Variants in FANK1 observed in about 807,000 individuals in gnomAD.
FANK1 encodes fibronectin type 3 and ankyrin repeat domains protein 1.
In FANK1, 44 loss-of-function variants were observed where a neutral mutation model predicts 45.3. That is an observed-to-expected ratio of 0.97 (90% CI 0.76 to 1.25). The LOEUF is 1.25. FANK1 is among the 50% of genes most tolerant of loss of function. The pLI, the probability that FANK1 is intolerant of heterozygous loss-of-function variation, is 0.00. For missense variants in FANK1, 391 were observed against 424.4 expected (o/e 0.92, Z 0.69); for synonymous variants, 149 against 152.5 (o/e 0.98, Z 0.17).
intron 1 of FANK1, among the ~76,000 whole-genome samples, chr10:125,911,517 G>A (rs969894657): frequency 2.6e-5 from 4 of 152,218 alleles, no homozygotes; most frequent in African/African-American, 7.2e-5. Context: ...AAGAAACAAT[G>A]TGTATCTGAC....
intron 3 of FANK1, among the ~76,000 whole-genome samples, chr10:125,991,336 G>T (rs1484071825): frequency 1.3e-5 from 2 of 151,404 alleles, no homozygotes; most frequent in Admixed American, 6.6e-5. Flanking sequence ...ACTGCCTGCA[G>T]CCAGGAAGCC....
chr10:125,902,319 CA>C (rs1945109250), intron 1 of FANK1, among the ~76,000 whole-genome samples: 1 of 152,196 alleles, frequency 6.6e-6, no homozygotes, highest in South Asian at 2.1e-4. Flanking sequence ...TGGAAGAGGT[CA>C]GGGGACCTGT....
chr10:125,964,383 G>C (rs563480842), intron 1 of FANK1, among the ~76,000 whole-genome samples: 1 of 151,542 alleles, frequency 6.6e-6, no homozygotes, highest in Admixed American at 6.6e-5. Context: ...AGTGCAGATG[G>C]GGTTTCACTA....
At chr10:125,907,928 C>G (rs1274548287) in intron 1 of FANK1, among the ~76,000 whole-genome samples, 1 of 152,118 alleles carries the variant, frequency 6.6e-6, no homozygotes, top group Non-Finnish European at 1.5e-5. Flanking sequence ...ATGCAGTGAA[C>G]CCAGTTGAGC....
At chr10:125,995,582 C>A in intron 4 of FANK1, 84 bp downstream of exon 4, 1 of 1,333,592 alleles carries the variant, frequency 7.5e-7, no homozygotes, top group East Asian at 2.3e-5. Flanking sequence ...TTTTGTTTTC[C>A]TAAAAATTCC....
intron 1 of FANK1, among the ~76,000 whole-genome samples, chr10:125,934,687 A>T (rs1478502373): frequency 7.3e-6 from 1 of 137,526 alleles, no homozygotes; most frequent in Non-Finnish European, 1.5e-5. Flanking sequence ...ACAGCCTAGC[A>T]TGCAGCAACT....
intron 1 of FANK1, among the ~76,000 whole-genome samples, chr10:125,923,491 T>C (rs1203278030): frequency 1.3e-5 from 2 of 151,708 alleles, no homozygotes; most frequent in Non-Finnish European, 2.9e-5. Flanking sequence ...ATCTATGCTT[T>C]AAAGTCTGTT....
intron 3 of FANK1, among the ~76,000 whole-genome samples, chr10:125,993,968 G>A (rs1455707810): frequency 6.6e-6 from 1 of 152,178 alleles, no homozygotes. Flanking sequence ...TTTGTACATT[G>A]CCCAATTCAC....
intron 1 of FANK1, among the ~76,000 whole-genome samples, chr10:125,939,107 A>T (rs548633673): frequency 6.6e-6 from 1 of 152,312 alleles, no homozygotes; most frequent in Non-Finnish European, 1.5e-5. Flanking sequence ...TTATGCACAT[A>T]CAATCAGACA....
At chr10:125,920,885 A>G (rs1268689561) in intron 1 of FANK1, among the ~76,000 whole-genome samples, 1 of 151,884 alleles carries the variant, frequency 6.6e-6, no homozygotes, top group Non-Finnish European at 1.5e-5. Context: ...ACTACTAACT[A>G]GTGTTCTTTT....
At chr10:125,953,496 A>G (rs1384311773) in intron 1 of FANK1, among the ~76,000 whole-genome samples, 1 of 152,096 alleles carries the variant, frequency 6.6e-6, no homozygotes, top group African/African-American at 2.4e-5. Context: ...CTTAGGCACG[A>G]GGATCCTATA....
intron 1 of FANK1, among the ~76,000 whole-genome samples, chr10:125,907,151 A>G (rs12250641): frequency 0.022 from 3,346 of 152,340 alleles, 139 homozygotes; most frequent in African/African-American, 0.076. Context: ...TATACAAAAC[A>G]TAAAACTTAC....
rs1009261464 is a variant in FANK1 at position 125,954,354 on chromosome 10, A to T, written c.14-25807A>T. 3.3e-5 allele frequency among the ~76,000 whole-genome samples: 5 copies of T among 152,216 alleles called. No homozygotes were observed. In the South Asian group the frequency reaches 8.3e-4, roughly 25 times the overall value. On this transcript the variant is annotated intron_variant, in intron 1 of 10. Transcript: ENST00000368693. ...AAGAGCAAGGATGCTGAACAAGCTA[A>T]ACCTTTGAAGAGGAACTTCTTTTGT... is the stretch of plus-strand genomic sequence containing the variant.
intron 1 of FANK1, among the ~76,000 whole-genome samples, chr10:125,966,470 G>T (rs1200455826): frequency 6.6e-6 from 1 of 152,048 alleles, no homozygotes; most frequent in Non-Finnish European, 1.5e-5. Context: ...TATTTGTTTG[G>T]TGTCCAATGT....
chr10:125,973,330 G>A, intron 1 of FANK1: 1 of 551,692 alleles, frequency 1.8e-6, no homozygotes, highest in Non-Finnish European at 2.3e-6. Context: ...GTTATTTTGG[G>A]GGTAATCCAT....
chr10:125,997,395 C>T (rs1240052150), intron 5 of FANK1, 25 bp from the exon 6 acceptor site: 1 of 1,607,660 alleles, frequency 6.2e-7, no homozygotes, highest in Non-Finnish European at 8.5e-7. Flanking sequence ...ACTTATCTAG[C>T]TACACTTAAG....
intron 1 of FANK1, chr10:125,973,013 T>G (rs968844218): frequency 6.6e-6 from 1 of 151,872 alleles, no homozygotes; most frequent in Admixed American, 6.6e-5. Flanking sequence ...GAAGTGAGGG[T>G]TTTTGCTCCA....
At chr10:125,998,830 A>C (rs76099677) in intron 6 of FANK1, among the ~76,000 whole-genome samples, 1 of 152,318 alleles carries the variant, frequency 6.6e-6, no homozygotes. Context: ...AAACTAGAAA[A>C]TTCATTTAAA....
chr10:125,954,881 A>T (rs1297375335), intron 1 of FANK1, among the ~76,000 whole-genome samples: 5 of 152,166 alleles, frequency 3.3e-5, no homozygotes, highest in Admixed American at 6.5e-5. Context: ...AGATTGTGCC[A>T]CTGCAATCCA....
Sources: allele counts gnomAD v4.1 joint callset (sites outside exome capture counted in the v4.1 genomes callset), GRCh38; gene constraint gnomAD v4.1.1; transcripts MANE v1.5; gene names NCBI Gene and HGNC (gene_info 2026-07-23, HGNC 2026-07-21).